The following ABCB4 variants were observed in gnomAD, a reference collection of about 807,000 sequenced individuals.
ABCB4 encodes the protein ATP binding cassette subfamily B member 4.
Under a neutral mutation model 145.7 loss-of-function variants are expected in ABCB4, and 76 were observed. The ratio of observed to expected loss-of-function variants is 0.52; its 90% CI spans 0.43 to 0.63. The LOEUF is 0.63. Among genes scored for constraint, ABCB4 ranks in the 30% least tolerant of loss-of-function variants. The probability of loss-of-function intolerance (pLI) is 0.00; values close to 1 mark genes in which losing one functional copy is unlikely to be tolerated. For synonymous variants in ABCB4, 517 were observed against 566.8 expected, an observed-to-expected ratio of 0.91 and a Z score of 1.25; for missense variants, 1,234 against 1,553.1, an observed-to-expected ratio of 0.79 and a Z score of 3.45.
the ABCB4 span, chr7:87,391,821 A>G: frequency 9.3e-7 from 1 of 1,076,606 alleles, no homozygotes; most frequent in Non-Finnish European, 1.3e-6. Context: ...GATCATTAAA[A>G]TACTTTGAGA....
chr7:87,447,145 G>A lies in ABCB4; in HGVS notation c.894C>T (p.Asn298=), dbSNP rs1157436393. ...EIGIKKAISA[N]ISMGIAFLLI... is the part of the protein sequence containing the mutation. Reference sequence around the variant, plus strand: ...ACAGGAAGGCAATACCCATGGAAATGTTTGCTGAAATAGCTTTTTTAATTC... The same window carrying A: ...ACAGGAAGGCAATACCCATGGAAATATTTGCTGAAATAGCTTTTTTAATTC... Residue 298 remains asparagine (N), a synonymous_variant, in exon 9 of 28, where the codon AAC becomes AAT. Coordinates refer to ENST00000649586, the MANE Select transcript of ABCB4 (RefSeq NM_000443.4). 1 of 1,614,006 alleles carries A rather than the reference G, an allele frequency of 6.2e-7. No homozygotes were observed. The highest frequency in any genetic ancestry group is 8.5e-7 in the Non-Finnish European group (1 of 1,179,934).
At chr7:87,443,841 A>T in intron 10 of ABCB4, 68 bp from the exon 11 acceptor site, 2 of 1,231,672 alleles carry the variant, frequency 1.6e-6, no homozygotes, top group South Asian at 1.2e-5. Flanking sequence ...AAGGAATATG[A>T]TTCAGCAAAT....
chr7:87,375,495 C>A, the ABCB4 span: 3 of 579,794 alleles, frequency 5.2e-6, no homozygotes, highest in Non-Finnish European at 9.1e-6. Flanking sequence ...TGTAGGAAAT[C>A]TATTGGCATC....
chr7:87,391,799 T>C, the ABCB4 span: 1 of 1,318,404 alleles, frequency 7.6e-7, no homozygotes, highest in East Asian at 2.6e-5. Context: ...CTTCTTTGCT[T>C]CAGTTTTCCT....
At chr7:87,420,688 A>G (rs1809352374) in intron 18 of ABCB4, among the ~76,000 whole-genome samples, 1 of 152,246 alleles carries the variant, frequency 6.6e-6, no homozygotes, top group South Asian at 2.1e-4. Flanking sequence ...ACAAAAGTCC[A>G]GGACCAAATA....
chr7:87,389,284 A>C, the ABCB4 span, among the ~76,000 whole-genome samples: 3 of 152,188 alleles, frequency 2.0e-5, no homozygotes, highest in Non-Finnish European at 2.9e-5. Context: ...TATATACCCA[A>C]AGGATTATAA....
chr7:87,375,589 T>G, the ABCB4 span: 1 of 1,458,994 alleles, frequency 6.9e-7, no homozygotes, highest in Non-Finnish European at 9.6e-7. Context: ...GTAGTTACTT[T>G]CTGCCTGTAC....
the ABCB4 span, among the ~76,000 whole-genome samples, chr7:87,384,727 A>G: frequency 1.3e-5 from 2 of 152,152 alleles, no homozygotes; most frequent in African/African-American, 4.8e-5. Context: ...ATATGATCCC[A>G]TTCGTCCATT....
At chr7:87,384,815 A>C in the ABCB4 span, among the ~76,000 whole-genome samples, 1 of 152,162 alleles carries the variant, frequency 6.6e-6, no homozygotes, top group Admixed American at 6.6e-5. Context: ...AGCATCCTCA[A>C]TGTTTTCTTT....
intron 14 of ABCB4, among the ~76,000 whole-genome samples, chr7:87,432,060 C>T (rs954823227): frequency 7.2e-5 from 11 of 152,140 alleles, no homozygotes; most frequent in African/African-American, 2.7e-4. Context: ...ACCTTGGGAT[C>T]AGGACTATTA....
At chr7:87,418,835 AG>A (rs969524909) in intron 19 of ABCB4, among the ~76,000 whole-genome samples, 8 of 152,196 alleles carry the variant, frequency 5.3e-5, no homozygotes, top group African/African-American at 1.9e-4. Context: ...TCTCTGGTCT[AG>A]GGGGGCAGGG....
intron 3 of ABCB4, among the ~76,000 whole-genome samples, chr7:87,470,883 A>T (rs1813340236): frequency 6.6e-6 from 1 of 152,234 alleles, no homozygotes; most frequent in African/African-American, 2.4e-5. Context: ...TACCCAAAGG[A>T]ATATAAATCA....
chr7:87,409,332 T>G lies in ABCB4; in HGVS notation c.2985A>C (p.Pro995=), dbSNP rs776190374. 7 of 1,614,014 alleles carry G rather than the reference T, an allele frequency of 4.3e-6. No homozygotes were observed. In the African/African-American group the frequency reaches 8.0e-5, roughly 18 times the overall value. ...VALGHASSFA[P]DYAKAKLSAA... ...CAGACAGCTTAGCTTTAGCATAGTC[T>G]GGAGCAAATGAACTGGCATGTCCTA... Residue 995 remains proline (P), a synonymous_variant, in exon 24 of 28, where the codon CCA becomes CCC. Coordinates refer to ENST00000649586, the MANE Select transcript of ABCB4 (RefSeq NM_000443.4).
intron 4 of ABCB4, among the ~76,000 whole-genome samples, chr7:87,455,041 AT>A (rs138963380): frequency 0.012 from 1,899 of 152,194 alleles, 43 homozygotes; most frequent in African/African-American, 0.041. Flanking sequence ...ACTTCAATAA[AT>A]TTTATTTTTA....
intron 4 of ABCB4, among the ~76,000 whole-genome samples, chr7:87,456,698 C>A (rs886219198): frequency 3.3e-5 from 5 of 152,116 alleles, no homozygotes; most frequent in Admixed American, 6.6e-5. Context: ...AACACAGATA[C>A]CAACTCAAAT....
chr7:87,460,637 T>C (rs889532297), intron 4 of ABCB4, among the ~76,000 whole-genome samples: 1 of 150,784 alleles, frequency 6.6e-6, no homozygotes, highest in Non-Finnish European at 1.5e-5. Context: ...TATTTATTTA[T>C]TTATTTATTT....
intron 5 of ABCB4, among the ~76,000 whole-genome samples, chr7:87,454,324 T>C (rs1395554823): frequency 6.6e-6 from 1 of 152,214 alleles, no homozygotes; most frequent in Non-Finnish European, 1.5e-5. Flanking sequence ...ACTGTGATTA[T>C]GTAAGAAAAT....
At chr7:87,369,317 C>T in the ABCB4 span, 1 of 1,081,252 alleles carries the variant, frequency 9.2e-7, no homozygotes, top group Non-Finnish European at 1.4e-6. Context: ...TGGATATATG[C>T]ATCTTTACTC....
chr7:87,425,384 C>A (rs1473421135), intron 16 of ABCB4, among the ~76,000 whole-genome samples: 1 of 152,120 alleles, frequency 6.6e-6, no homozygotes, highest in African/African-American at 2.4e-5. Flanking sequence ...AATTGCTTAT[C>A]TGACTTATAA....
Sources: gnomAD v4.1 joint callset for allele counts (sites outside exome capture counted in the v4.1 genomes callset) on GRCh38, gnomAD v4.1.1 for gene constraint, MANE v1.5 for transcripts, NCBI Gene and HGNC (gene_info 2026-07-23, HGNC 2026-07-21) for gene names.